PDE3B: variants seen among roughly 807,000 people sequenced by gnomAD.
The protein encoded by PDE3B is cGMP-inhibited 3',5'-cyclic phosphodiesterase 3B.
Under a neutral mutation model 116.8 loss-of-function variants are expected in PDE3B, and 66 were observed. The ratio of observed to expected loss-of-function variants is 0.56; its 90% CI spans 0.46 to 0.69. PDE3B has a LOEUF of 0.69. Ranked by LOEUF, PDE3B falls within the 30% of genes least tolerant of loss-of-function variation. PDE3B has a pLI of 0.00. For synonymous variants in PDE3B, 595 were observed against 533.6 expected (o/e 1.12, Z -1.59); for missense variants, 1,384 against 1,368.1 (o/e 1.01, Z -0.18).
chr11:14,837,478 C>T (rs1860090615), intron 11 of PDE3B, among the ~76,000 whole-genome samples: 1 of 152,202 alleles, frequency 6.6e-6, no homozygotes, highest in Non-Finnish European at 1.5e-5. Context: ...TTCCACATAA[C>T]TGCAACACCT....
intron 4 of PDE3B, among the ~76,000 whole-genome samples, chr11:14,789,496 A>C (rs1858318642): frequency 1.3e-5 from 2 of 152,098 alleles, no homozygotes; most frequent in South Asian, 2.1e-4. Flanking sequence ...TAGTTTAGGG[A>C]AATCAGGATC....
chr11:14,747,536 C>T (rs533547400), intron 1 of PDE3B, among the ~76,000 whole-genome samples: 29 of 152,150 alleles, frequency 1.9e-4, no homozygotes, highest in Non-Finnish European at 4.0e-4. Context: ...ATCTGTTATT[C>T]ATTGTGGTTG....
rs572753679 is a variant in PDE3B at position 14,680,592 on chromosome 11, A to G, written c.978+35539A>G. Among the ~76,000 whole-genome samples, 32 of 152,338 alleles carry G rather than the reference A, an allele frequency of 2.1e-4. No individual in the cohort carries two copies. In the South Asian group the frequency reaches 6.2e-3, roughly 30 times the overall value. ...ATTGAATCTTCATTTGTATGTGTAT[A>G]TACATGTCTAGATGTGTTTATTTGT... On this transcript the variant is annotated intron_variant, in intron 1 of 15. Transcript: ENST00000282096.
At chr11:14,749,472 T>A (rs1262798126) in intron 1 of PDE3B, among the ~76,000 whole-genome samples, 3 of 152,094 alleles carry the variant, frequency 2.0e-5, no homozygotes, top group Admixed American at 6.6e-5. Flanking sequence ...AGCTTCCTTG[T>A]CTTTCTTTTT....
chr11:14,727,813 T>A (rs185959154), intron 1 of PDE3B, among the ~76,000 whole-genome samples: 2 of 152,036 alleles, frequency 1.3e-5, no homozygotes, highest in East Asian at 3.9e-4. Context: ...CATTTGTGCT[T>A]ATAACAATAA....
At chr11:14,857,700 A>C (rs1847875950) in intron 12 of PDE3B, among the ~76,000 whole-genome samples, 1 of 152,190 alleles carries the variant, frequency 6.6e-6, no homozygotes, top group Non-Finnish European at 1.5e-5. Context: ...TGAATGGTGA[A>C]AGAATTCCGA....
chr11:14,785,789 A>G (rs1319579965), intron 2 of PDE3B, among the ~76,000 whole-genome samples: 2 of 151,926 alleles, frequency 1.3e-5, no homozygotes, highest in African/African-American at 4.8e-5. Flanking sequence ...ATTCATCTTT[A>G]AGTTATCGCT....
intron 5 of PDE3B, among the ~76,000 whole-genome samples, chr11:14,805,115 TAAAAG>T (rs1337343834): frequency 6.6e-6 from 1 of 151,998 alleles, no homozygotes; most frequent in Non-Finnish European, 1.5e-5. Context: ...GCAAAACTAA[TAAAAG>T]AAAGCAAACA....
the PDE3B span, among the ~76,000 whole-genome samples, chr11:14,895,508 G>C: frequency 6.6e-6 from 1 of 152,102 alleles, no homozygotes; most frequent in African/African-American, 2.4e-5. Context: ...CCTTATCCTA[G>C]TCCTCATGCT....
intron 1 of PDE3B, among the ~76,000 whole-genome samples, chr11:14,761,492 A>G (rs993160479): frequency 1.3e-5 from 2 of 152,158 alleles, no homozygotes; most frequent in African/African-American, 4.8e-5. Flanking sequence ...TACATGAACA[A>G]TTAGTATTTA....
chr11:14,664,248 C>G (rs1031272544), intron 1 of PDE3B, among the ~76,000 whole-genome samples: 7 of 152,132 alleles, frequency 4.6e-5, no homozygotes, highest in African/African-American at 1.7e-4. Context: ...ATCAGAATCT[C>G]TGGGACACAT....
At chr11:14,836,543 G>A (rs1860061284) in intron 11 of PDE3B, among the ~76,000 whole-genome samples, 1 of 152,098 alleles carries the variant, frequency 6.6e-6, no homozygotes, top group Non-Finnish European at 1.5e-5. Flanking sequence ...ATTTTTAGGT[G>A]TTTGTCACAT....
In PDE3B at chr11:14,822,657, G is replaced by T. The variant is rs187617711; in HGVS notation, c.1807+3448G>T. On this transcript the variant is annotated intron_variant, in intron 7 of 15. Transcript: ENST00000282096. Reference sequence around the variant, plus strand: ...ATATGCAGAGCTCTGTGGCATCTTGGCAGAGTAGCTGCTCAGGCACATGTG... The same window carrying T: ...ATATGCAGAGCTCTGTGGCATCTTGTCAGAGTAGCTGCTCAGGCACATGTG... Among the ~76,000 whole-genome samples, 280 of 152,338 alleles carry T rather than the reference G, an allele frequency of 1.8e-3. 1 individual carries two copies. The highest frequency in any genetic ancestry group is 6.4e-3 in the African/African-American group (264 of 41,574).
intron 1 of PDE3B, among the ~76,000 whole-genome samples, chr11:14,665,554 A>G (rs1307274882): frequency 2.0e-5 from 3 of 152,362 alleles, no homozygotes; most frequent in South Asian, 2.1e-4. Flanking sequence ...TAAGCTGATA[A>G]GCAACTTCAG....
chr11:14,803,181 A>G (rs1019047353), intron 4 of PDE3B, among the ~76,000 whole-genome samples: 4 of 148,900 alleles, frequency 2.7e-5, no homozygotes, highest in African/African-American at 5.1e-5. Context: ...GCTGCCTGTT[A>G]GTGACTGAGG....
intron 4 of PDE3B, among the ~76,000 whole-genome samples, chr11:14,799,632 T>C (rs1858679732): frequency 6.6e-6 from 1 of 152,118 alleles, no homozygotes; most frequent in Non-Finnish European, 1.5e-5. Flanking sequence ...TGGGTACATA[T>C]ATATTTAGGA....
chr11:14,876,257 C>G (rs1848188082), downstream of PDE3B, among the ~76,000 whole-genome samples: 1 of 152,130 alleles, frequency 6.6e-6, no homozygotes, highest in Non-Finnish European at 1.5e-5. Flanking sequence ...CGGCTCACAC[C>G]TGTAATCCCA....
At chr11:14,778,057 C>T (rs1229345277) in intron 2 of PDE3B, among the ~76,000 whole-genome samples, 3 of 152,184 alleles carry the variant, frequency 2.0e-5, no homozygotes, top group African/African-American at 2.4e-5. Context: ...CCCACGGAAC[C>T]TCGCTCATTG....
the PDE3B span, among the ~76,000 whole-genome samples, chr11:14,881,945 A>G: frequency 6.6e-6 from 1 of 152,140 alleles, no homozygotes; most frequent in Non-Finnish European, 1.5e-5. Context: ...AAAATGTCAC[A>G]TTCTCTTGTG....
Sources: allele counts gnomAD v4.1 joint callset (sites outside exome capture counted in the v4.1 genomes callset), GRCh38; gene constraint gnomAD v4.1.1; transcripts MANE v1.5; gene names NCBI Gene and HGNC (gene_info 2026-07-23, HGNC 2026-07-21).